Variants in ADAMTSL3 observed in about 807,000 individuals in gnomAD.
ADAMTSL3 encodes ADAMTS like 3, also known as ADAMTS-like protein 3.
ADAMTSL3 carries 128 observed loss-of-function variants against 201.7 expected under a neutral mutation model. The ratio of observed to expected loss-of-function variants is 0.63; its 90% confidence interval spans 0.55 to 0.73. The LOEUF is 0.73. Ranked by LOEUF, ADAMTSL3 falls within the 30% of genes least tolerant of loss-of-function variation. ADAMTSL3 has a pLI of 0.00. For missense variants in ADAMTSL3, 1,990 were observed against 2,119.6 expected, an observed-to-expected ratio of 0.94 and a Z score of 1.20; for synonymous variants, 738 against 748.4, an observed-to-expected ratio of 0.99 and a Z score of 0.23.
At chr15:83,724,186 C>CCT (rs1188031249) in intron 3 of ADAMTSL3, among the ~76,000 whole-genome samples, 10 of 151,894 alleles carry the variant, frequency 6.6e-5, no homozygotes, top group Admixed American at 2.0e-4. Flanking sequence ...GCAATCTCTG[C>CCT]CTCTTGGGTT....
At chr15:83,674,795 T>G (rs2061380692) in intron 2 of ADAMTSL3, among the ~76,000 whole-genome samples, 1 of 83,724 alleles carries the variant, frequency 1.2e-5, no homozygotes, top group African/African-American at 4.1e-5. Flanking sequence ...ATATAAATCT[T>G]GCTGGAATTT....
chr15:83,793,174 G>A (rs1409909417), intron 4 of ADAMTSL3, among the ~76,000 whole-genome samples: 1 of 152,110 alleles, frequency 6.6e-6, no homozygotes, highest in Non-Finnish European at 1.5e-5. Flanking sequence ...AGTTGCTAGG[G>A]GTTAAGATGG....
At chr15:83,756,450 T>G (rs2062720905) in intron 3 of ADAMTSL3, among the ~76,000 whole-genome samples, 1 of 152,176 alleles carries the variant, frequency 6.6e-6, no homozygotes, top group Non-Finnish European at 1.5e-5. Context: ...GTTGTGAGAC[T>G]TATTCGCTAT....
chr15:83,846,559 C>T (rs2064502323), intron 7 of ADAMTSL3, among the ~76,000 whole-genome samples: 1 of 152,224 alleles, frequency 6.6e-6, no homozygotes, highest in Non-Finnish European at 1.5e-5. Flanking sequence ...CCCTTGTTTC[C>T]CCTTGGCAGA....
At chr15:83,914,847 G>T (rs62027786) in intron 16 of ADAMTSL3, among the ~76,000 whole-genome samples, 2 of 73,490 alleles carry the variant, frequency 2.7e-5, no homozygotes, top group African/African-American at 1.3e-4. Flanking sequence ...TTGTTTGTTT[G>T]GTTTTGTTTG....
At chr15:83,857,789 A>G (rs1567193629) in intron 7 of ADAMTSL3, among the ~76,000 whole-genome samples, 1 of 152,104 alleles carries the variant, frequency 6.6e-6, no homozygotes, top group Non-Finnish European at 1.5e-5. Context: ...CACTAATTTC[A>G]CTCTGGAGAG....
intron 6 of ADAMTSL3, among the ~76,000 whole-genome samples, chr15:83,828,840 A>G (rs1395204242): frequency 6.6e-6 from 1 of 152,054 alleles, no homozygotes; most frequent in Non-Finnish European, 1.5e-5. Context: ...ATTGATTTTC[A>G]TATGTTGAAC....
At chr15:83,795,153 C>T (rs777962631) in intron 4 of ADAMTSL3, among the ~76,000 whole-genome samples, 6 of 150,750 alleles carry the variant, frequency 4.0e-5, no homozygotes, top group Non-Finnish European at 8.9e-5. Flanking sequence ...CGTGCCCAGC[C>T]GATCTACATT....
At chr15:84,016,341 T>C (rs756444791) in intron 24 of ADAMTSL3, 42 bp from the exon 25 acceptor site, 2 of 1,500,090 alleles carry the variant, frequency 1.3e-6, no homozygotes, top group South Asian at 2.3e-5. Context: ...AATAATTAGA[T>C]AATGTCTAAC....
At chr15:83,994,996 A>G (rs1048959901) in intron 23 of ADAMTSL3, among the ~76,000 whole-genome samples, 1 of 152,110 alleles carries the variant, frequency 6.6e-6, no homozygotes, top group African/African-American at 2.4e-5. Context: ...GCAAAGGAGA[A>G]CTGTGATGCA....
intron 19 of ADAMTSL3, among the ~76,000 whole-genome samples, chr15:83,965,984 A>G (rs1480181530): frequency 6.6e-6 from 1 of 152,234 alleles, no homozygotes; most frequent in East Asian, 1.9e-4. Context: ...TTTGAAACCA[A>G]TAAGAACAAA....
chr15:83,689,238 G>A (rs570822035), intron 2 of ADAMTSL3, among the ~76,000 whole-genome samples: 56 of 152,174 alleles, frequency 3.7e-4, no homozygotes, highest in Non-Finnish European at 6.8e-4. Flanking sequence ...TACGTAAGAT[G>A]GCTCAGTAAT....
At position 84,027,843 on chromosome 15, in the gene ADAMTSL3, TA is replaced by T. The variant is rs368018936; in HGVS notation, c.4656+2415del. Among the ~76,000 whole-genome samples, 1,207 of 151,894 alleles carry T rather than the reference TA, an allele frequency of 7.9e-3. 16 individuals carry two copies. The highest frequency in any genetic ancestry group is 0.027 in the African/African-American group (1,130 of 41,428). The stretch of plus-strand genomic sequence containing the variant: ...CCCAAATAACAACACCCCATAATAA[TA>T]AAAAAAATGGAAACAATTGGTGAGT... On this transcript the variant is annotated intron_variant, in intron 27 of 29. Transcript: ENST00000286744.
At chr15:83,880,097 T>G (rs1439171237) in intron 9 of ADAMTSL3, among the ~76,000 whole-genome samples, 2 of 152,156 alleles carry the variant, frequency 1.3e-5, no homozygotes, top group Admixed American at 6.5e-5. Flanking sequence ...TTTCATCAAC[T>G]GGGCTATGGT....
At chr15:83,895,142 C>CT (rs2065586634) in intron 13 of ADAMTSL3, among the ~76,000 whole-genome samples, 1 of 152,090 alleles carries the variant, frequency 6.6e-6, no homozygotes, top group Non-Finnish European at 1.5e-5. Context: ...TCTTTGAACT[C>CT]TTGAGTTACG....
At chr15:83,857,639 A>T (rs1040552177) in intron 7 of ADAMTSL3, among the ~76,000 whole-genome samples, 1 of 152,234 alleles carries the variant, frequency 6.6e-6, no homozygotes, top group Non-Finnish European at 1.5e-5. Flanking sequence ...AGAAGTGATT[A>T]TCTCTGGGCA....
At chr15:83,830,106 A>T (rs561606837) in intron 6 of ADAMTSL3, among the ~76,000 whole-genome samples, 31 of 152,310 alleles carry the variant, frequency 2.0e-4, no homozygotes, top group Non-Finnish European at 1.5e-5. Flanking sequence ...ATGATTAAGT[A>T]GATAGATAGT....
At chr15:83,720,155 G>T (rs1220218623) in intron 3 of ADAMTSL3, among the ~76,000 whole-genome samples, 2 of 152,138 alleles carry the variant, frequency 1.3e-5, no homozygotes, top group African/African-American at 2.4e-5. Flanking sequence ...GGAGGCAGAG[G>T]TTGCAGTGAG....
At position 83,960,059 on chromosome 15, in the gene ADAMTSL3, A is replaced by AGATGATGTT. The variant is rs562758318; in HGVS notation, c.2491-10424_2491-10416dup. ...CATTTTTATTATGTGAGAAACTCCT[A>AGATGATGTT]GATGATGTTTTGACTTGTTAAAAAA... On this transcript the variant is annotated intron_variant, in intron 19 of 29. Coordinates refer to ENST00000286744, the MANE Select transcript of ADAMTSL3 (RefSeq NM_207517.3). 1.2e-4 allele frequency among the ~76,000 whole-genome samples: 18 copies of AGATGATGTT among 152,326 alleles called. No homozygotes were observed. The East Asian group carries it at 1.9e-3, about 16-fold the overall frequency.
Sources: allele counts gnomAD v4.1 joint callset (sites outside exome capture counted in the v4.1 genomes callset), GRCh38; gene constraint gnomAD v4.1.1; transcripts MANE v1.5; gene names NCBI Gene and HGNC (gene_info 2026-07-23, HGNC 2026-07-21).